The following SHROOM3 variants were observed in gnomAD, a reference collection of about 807,000 sequenced individuals.
SHROOM3 encodes the protein shroom family member 3, also known as protein Shroom3.
A neutral mutation model predicts 138.6 loss-of-function variants in SHROOM3; 47 were observed. That is an observed-to-expected ratio of 0.34 (90% CI 0.27 to 0.43). SHROOM3 has a LOEUF of 0.43. SHROOM3 is among the 20% of genes least tolerant of loss of function. SHROOM3 has a pLI of 1.00. For synonymous variants in SHROOM3, 1,062 were observed against 1,063.3 expected (o/e 1.00, Z 0.02); for missense variants, 2,491 against 2,596.5 (o/e 0.96, Z 0.88).
Position 76,741,126 on chromosome 4 carries a change from C to T in SHROOM3, c.2953C>T (p.Arg985Trp), listed in dbSNP as rs1197026509. 5 of 1,554,160 alleles carry T rather than the reference C, an allele frequency of 3.2e-6. No individual in the cohort carries two copies. The highest frequency in any genetic ancestry group is 1.9e-5 in the Admixed American group (1 of 51,450). The change falls in exon 5 of 11, where the codon CGG (arginine) becomes TGG (tryptophan). Residue 985 changes from arginine (R) to tryptophan (W), a missense_variant. Transcript: ENST00000296043. This position sits in a 1 kb window ranked among gnomAD's most constrained non-coding sequence, Gnocchi z 6.2. ...ASASPHTPRE[R>W]HSVTPAEGDL... Reference sequence around the variant, plus strand: ...CGCCTCCCCGCACACGCCCCGGGAGCGGCACAGCGTGACCCCTGCTGAGGG... The same window carrying T: ...CGCCTCCCCGCACACGCCCCGGGAGTGGCACAGCGTGACCCCTGCTGAGGG...
Position 76,726,940 on chromosome 4 carries a change from TACTGTTGGGTGATGATGCC to T in SHROOM3, c.456-3859_456-3841del, listed in dbSNP as rs1720721745. Among the ~76,000 whole-genome samples, 11 of 152,324 alleles carry T rather than the reference TACTGTTGGGTGATGATGCC, an allele frequency of 7.2e-5. No individual in the cohort carries two copies. The South Asian group carries it at 2.3e-3, about 32-fold the overall frequency. On this transcript the variant is annotated intron_variant, in intron 3 of 10. Coordinates refer to ENST00000296043, the MANE Select transcript of SHROOM3 (RefSeq NM_020859.4). Reference sequence around the variant, plus strand: ...CGGCATCTAGCTAGGCATGGACAGATACTGTTGGGTGATGATGCCACTGAAGAGCCGTCCTTAGTGTCAC... The same window carrying T: ...CGGCATCTAGCTAGGCATGGACAGATACTGAAGAGCCGTCCTTAGTGTCAC...
At chr4:76,736,309 C>T (rs1046878723) in intron 4 of SHROOM3, among the ~76,000 whole-genome samples, 1 of 152,106 alleles carries the variant, frequency 6.6e-6, no homozygotes, top group Non-Finnish European at 1.5e-5. Flanking sequence ...GGCTTGGGAG[C>T]TATTTCCTTC....
chr4:76,759,503 G>T (rs1420987571), intron 8 of SHROOM3, 42 bp from the exon 9 acceptor site: 1 of 1,613,002 alleles, frequency 6.2e-7, no homozygotes, highest in South Asian at 1.1e-5. Flanking sequence ...AAAGCCTCTG[G>T]CGTGATCTGT....
At chr4:76,566,289 T>C (rs1160400967) in intron 2 of SHROOM3, among the ~76,000 whole-genome samples, 1 of 151,992 alleles carries the variant, frequency 6.6e-6, no homozygotes, top group African/African-American at 2.4e-5. Context: ...CAGGAGGAAG[T>C]GTATAGGTTA....
chr4:76,533,001 G>A (rs997593502), intron 1 of SHROOM3, among the ~76,000 whole-genome samples: 2 of 152,166 alleles, frequency 1.3e-5, no homozygotes, highest in African/African-American at 4.8e-5. Context: ...TGGATACACT[G>A]GACAAAGGGA....
chr4:76,643,322 C>T (rs922324117), intron 2 of SHROOM3, among the ~76,000 whole-genome samples: 11 of 151,894 alleles, frequency 7.2e-5, no homozygotes, highest in African/African-American at 2.7e-4. Flanking sequence ...ATCCTCAGAA[C>T]ACCCCTTTGT....
At chr4:76,751,296 C>T (rs944148750) in intron 6 of SHROOM3, among the ~76,000 whole-genome samples, 16 of 152,152 alleles carry the variant, frequency 1.1e-4, no homozygotes, top group African/African-American at 3.9e-4. Flanking sequence ...GGAATGTGCC[C>T]TCTGTTCTCC....
At chr4:76,438,500 A>G (rs188919837) in intron 1 of SHROOM3, among the ~76,000 whole-genome samples, 10 of 152,308 alleles carry the variant, frequency 6.6e-5, no homozygotes, top group African/African-American at 2.4e-4. Context: ...CCTCATTTGC[A>G]CTTGTTGCAT....
chr4:76,538,567 G>A (rs1314696964), intron 1 of SHROOM3, among the ~76,000 whole-genome samples: 4 of 152,186 alleles, frequency 2.6e-5, no homozygotes, highest in African/African-American at 7.2e-5. Flanking sequence ...CAACAAGGAA[G>A]CATGGCAGGT....
At chr4:76,604,741 T>A (rs1488483809) in intron 2 of SHROOM3, among the ~76,000 whole-genome samples, 1 of 152,226 alleles carries the variant, frequency 6.6e-6, no homozygotes, top group Non-Finnish European at 1.5e-5. Flanking sequence ...ATAGCAGGGA[T>A]GTTGAAACAC....
At chr4:76,594,686 C>T (rs542145562) in intron 2 of SHROOM3, among the ~76,000 whole-genome samples, 1 of 152,142 alleles carries the variant, frequency 6.6e-6, no homozygotes, top group Non-Finnish European at 1.5e-5. Context: ...CAGACTAACA[C>T]CTGCTATGTG....
intron 9 of SHROOM3, 128 bp from the exon 10 acceptor site, chr4:76,770,498 C>T: frequency 9.7e-7 from 1 of 1,025,820 alleles, no homozygotes; most frequent in Non-Finnish European, 1.4e-6. Flanking sequence ...GGGGGACACT[C>T]CATATAGAGA....
At chr4:76,557,926 T>C (rs6819893) in intron 2 of SHROOM3, among the ~76,000 whole-genome samples, 2,269 of 152,290 alleles carry the variant, frequency 0.015, 55 homozygotes, top group African/African-American at 0.052. Flanking sequence ...ATGGGGCTGA[T>C]GTTTCAAACA....
intron 1 of SHROOM3, among the ~76,000 whole-genome samples, chr4:76,525,247 C>G (rs931958440): frequency 1.3e-5 from 2 of 152,162 alleles, no homozygotes; most frequent in Non-Finnish European, 2.9e-5. Context: ...GAGAAGCAGG[C>G]ACCTTCTTCA....
chr4:76,761,671 A>C (rs1721991841), intron 9 of SHROOM3, among the ~76,000 whole-genome samples: 1 of 152,212 alleles, frequency 6.6e-6, no homozygotes, highest in African/African-American at 2.4e-5. Context: ...ATAACTAACC[A>C]GAGCTAGAGT....
At chr4:76,544,362 T>G (rs1733165973) in intron 1 of SHROOM3, among the ~76,000 whole-genome samples, 1 of 151,488 alleles carries the variant, frequency 6.6e-6, no homozygotes, top group South Asian at 2.1e-4. Context: ...CATGTTGACT[T>G]TTTGGGTCCC....
At chr4:76,666,623 G>A (rs532521071) in intron 2 of SHROOM3, among the ~76,000 whole-genome samples, 1 of 152,268 alleles carries the variant, frequency 6.6e-6, no homozygotes, top group South Asian at 2.1e-4. Context: ...GAAATGCTAA[G>A]CAAATAGATG....
chr4:76,739,569 A>G lies in SHROOM3; in HGVS notation c.1396A>G (p.Ser466Gly), dbSNP rs772606592. The change falls in exon 5 of 11, where the codon AGC (serine) becomes GGC (glycine). Residue 466 changes from serine (S) to glycine (G), a missense_variant. By Grantham distance (56) the Ser-to-Gly change is moderately conservative (BLOSUM62 0). Coordinates refer to ENST00000296043, the MANE Select transcript of SHROOM3 (RefSeq NM_020859.4). ...ACCTGGCCAACCTCTGCTGCCGACC[A>G]GCATCTACCCGGTACCTTCCCTGGA... ...AQPGQPLLPT[S>G]IYPVPSLEPH... 2 of 1,614,212 alleles carry G rather than the reference A, an allele frequency of 1.2e-6. No homozygotes were observed. The highest frequency in any genetic ancestry group is 1.7e-6 in the Non-Finnish European group (2 of 1,180,034).
intron 1 of SHROOM3, among the ~76,000 whole-genome samples, chr4:76,505,155 C>T (rs1732184603): frequency 6.6e-6 from 1 of 152,108 alleles, no homozygotes; most frequent in Non-Finnish European, 1.5e-5. Context: ...CCTAAGATAA[C>T]TCAATAGGTA....
Sources: allele counts gnomAD v4.1 joint callset (sites outside exome capture counted in the v4.1 genomes callset), GRCh38; gene constraint gnomAD v4.1.1; non-coding constraint Gnocchi (gnomAD v3.1); transcripts MANE v1.5; gene names NCBI Gene and HGNC (gene_info 2026-07-23, HGNC 2026-07-21).